ZNF385D: variants seen among roughly 807,000 people sequenced by gnomAD.
ZNF385D encodes the protein zinc finger protein 659.
ZNF385D carries 15 observed loss-of-function variants against 35.8 expected under a neutral mutation model. The ratio of observed to expected loss-of-function variants is 0.42; its 90% CI spans 0.28 to 0.64. The LOEUF (loss-of-function observed/expected upper bound fraction) is 0.64, where lower values mean the gene tolerates loss of function less well. ZNF385D is among the 30% of genes least tolerant of loss of function. The pLI, the probability that ZNF385D is intolerant of heterozygous loss-of-function variation, is 0.23. For missense variants in ZNF385D, 474 were observed against 494.6 expected (o/e 0.96, Z 0.39); for synonymous variants, 212 against 186.8 (o/e 1.13, Z -1.10).
chr3:21,973,997 C>T (rs570487703), intron 3 of ZNF385D, among the ~76,000 whole-genome samples: 1 of 151,814 alleles, frequency 6.6e-6, no homozygotes, highest in Non-Finnish European at 1.5e-5. Flanking sequence ...ATATATTGCT[C>T]AAAGCAATCT....
chr3:22,095,500 T>C (rs4624584), intron 3 of ZNF385D, among the ~76,000 whole-genome samples: 3 of 151,900 alleles, frequency 2.0e-5, no homozygotes, highest in Admixed American at 1.3e-4. Context: ...TCTCAAGCTA[T>C]TGATCTATCT....
intron 2 of ZNF385D, among the ~76,000 whole-genome samples, chr3:21,631,134 T>G (rs13087501): frequency 6.6e-6 from 1 of 152,026 alleles, no homozygotes; most frequent in South Asian, 2.1e-4. Flanking sequence ...GAGGTATACA[T>G]ACTCACATGA....
chr3:21,420,952 T>TA lies in ZNF385D; in HGVS notation c.*261dup, dbSNP rs200966545. On this transcript the variant is annotated 3_prime_UTR_variant, in exon 8 of 8. Coordinates refer to ENST00000281523, the MANE Select transcript of ZNF385D (RefSeq NM_024697.3). ...TCACAGAGGCTTCAGAAGGTCTAGA[T>TA]ACCACTACAAATCAATGCTGGAGAT... The TA allele has an allele frequency of 2.4e-3, 1,062 of 446,758 alleles. 9 individuals carry two copies. Among genetic ancestry groups the TA allele is most frequent in the African/African-American group, 0.019 (943 of 50,828 alleles). The allele number at this position is 446,758 out of a possible 1,614,324, so 27.7% of individuals were successfully genotyped here.
intron 3 of ZNF385D, among the ~76,000 whole-genome samples, chr3:21,879,114 G>C (rs1237697205): frequency 1.3e-5 from 2 of 151,906 alleles, no homozygotes; most frequent in Non-Finnish European, 2.9e-5. Flanking sequence ...CACTTTGCTT[G>C]TCTTGAATGA....
chr3:22,087,258 A>T (rs1701095309), intron 3 of ZNF385D, among the ~76,000 whole-genome samples: 2 of 152,234 alleles, frequency 1.3e-5, no homozygotes, highest in South Asian at 4.2e-4. Context: ...ACATCTATAA[A>T]ATAGGCATTT....
At position 21,952,031 on chromosome 3, in the gene ZNF385D, C is replaced by G. The variant is rs1702090073; in HGVS notation, c.325+216786G>C. Among the ~76,000 whole-genome samples the G allele has an allele frequency of 1.3e-5, 2 of 150,348 alleles. 1 individual carries two copies. The highest frequency in any genetic ancestry group is 5.0e-5 in the African/African-American group (2 of 39,842). The stretch of plus-strand genomic sequence containing the variant: ...CCTAACTGACCCCCTGAACTCAACA[C>G]AAGACTGTCTTGAGCAAAGAACAAT... On this transcript the variant is annotated intron_variant, in intron 3 of 5. Transcript: ENST00000494108.
At chr3:21,772,562 T>C (rs569792374) in intron 3 of ZNF385D, among the ~76,000 whole-genome samples, 30 of 151,828 alleles carry the variant, frequency 2.0e-4, no homozygotes, top group South Asian at 4.1e-4. Context: ...GAAAATAACG[T>C]ATTGATGAAG....
At chr3:21,449,805 C>T (rs749231980) in intron 4 of ZNF385D, among the ~76,000 whole-genome samples, 1 of 152,178 alleles carries the variant, frequency 6.6e-6, no homozygotes. Flanking sequence ...GCAGATTCTT[C>T]TTGCCCAGGT....
chr3:21,799,004 G>C (rs2072279019), intron 3 of ZNF385D, among the ~76,000 whole-genome samples: 1 of 152,110 alleles, frequency 6.6e-6, no homozygotes, highest in Admixed American at 6.6e-5. Context: ...CTGCTTTACA[G>C]GTCTATGGAT....
chr3:21,508,549 C>T (rs1021126602), intron 4 of ZNF385D, among the ~76,000 whole-genome samples: 1 of 152,076 alleles, frequency 6.6e-6, no homozygotes, highest in Non-Finnish European at 1.5e-5. Context: ...TTAACTACAT[C>T]CTTTATTGTC....
intron 3 of ZNF385D, among the ~76,000 whole-genome samples, chr3:21,852,267 A>G (rs1289623134): frequency 1.3e-5 from 2 of 151,948 alleles, no homozygotes; most frequent in African/African-American, 2.4e-5. Flanking sequence ...TCTCTAAGGA[A>G]TAAGATTCCT....
Position 22,023,660 on chromosome 3 carries a change from CT to C in ZNF385D, c.325+145156del, listed in dbSNP as rs113753465. ...AATATGAGTTAGCAGCAAAGCAATG[CT>C]TTTTTTTTTATCAAACTGATGATTC... On this transcript the variant is annotated intron_variant, in intron 3 of 5. Coordinates refer to the ZNF385D transcript ENST00000494108. Among the ~76,000 whole-genome samples the C allele has an allele frequency of 9.3e-3, 1,381 of 148,422 alleles. 19 individuals carry two copies. The highest frequency in any genetic ancestry group is 0.03 in the African/African-American group (1,197 of 40,532).
At chr3:22,093,108 G>A (rs969296446) in intron 3 of ZNF385D, among the ~76,000 whole-genome samples, 2 of 151,988 alleles carry the variant, frequency 1.3e-5, no homozygotes, top group East Asian at 1.9e-4. Context: ...TGAAGTGTTG[G>A]TGCCAAATGA....
chr3:22,269,312 G>A (rs760969891), intron 2 of ZNF385D, among the ~76,000 whole-genome samples: 1 of 151,866 alleles, frequency 6.6e-6, no homozygotes, highest in African/African-American at 2.4e-5. Context: ...ATAAGACCAC[G>A]GAAATAAAAG....
At chr3:22,140,233 A>G (rs956711434) in intron 3 of ZNF385D, among the ~76,000 whole-genome samples, 1 of 152,252 alleles carries the variant, frequency 6.6e-6, no homozygotes, top group African/African-American at 2.4e-5. Context: ...ATACAATGAA[A>G]TAATACTCAG....
At chr3:21,949,549 TCTTTC>T (rs773478197) in intron 3 of ZNF385D, among the ~76,000 whole-genome samples, 10 of 102,666 alleles carry the variant, frequency 9.7e-5, no homozygotes, top group East Asian at 4.8e-4. Flanking sequence ...TTCTTTTCTT[TCTTTC>T]TTTTTTTTTT....
chr3:21,976,459 A>T (rs761331303), intron 3 of ZNF385D, among the ~76,000 whole-genome samples: 1 of 152,336 alleles, frequency 6.6e-6, no homozygotes, highest in Admixed American at 6.5e-5. Flanking sequence ...AATTGATAGC[A>T]TGATAGAGGG....
chr3:22,071,591 T>C (rs1267236791), intron 3 of ZNF385D, among the ~76,000 whole-genome samples: 2 of 152,198 alleles, frequency 1.3e-5, no homozygotes, highest in East Asian at 1.9e-4. Flanking sequence ...TTCCCTGTAA[T>C]ATTGCAGAGA....
At chr3:21,482,809 G>T (rs190253513) in intron 4 of ZNF385D, among the ~76,000 whole-genome samples, 22 of 152,112 alleles carry the variant, frequency 1.4e-4, no homozygotes, top group Non-Finnish European at 3.1e-4. Flanking sequence ...TTTTCATTGC[G>T]GTGGTGGTGG....
Sources: gnomAD v4.1 joint callset for allele counts (sites outside exome capture counted in the v4.1 genomes callset) on GRCh38, gnomAD v4.1.1 for gene constraint, MANE v1.5 for transcripts, NCBI Gene and HGNC (gene_info 2026-07-23, HGNC 2026-07-21) for gene names.